Variants in CLSTN2 observed in about 807,000 individuals in gnomAD.
CLSTN2 encodes calsyntenin 2.
CLSTN2 carries 48 observed loss-of-function variants against 101.2 expected under a neutral mutation model. The observed-to-expected ratio is 0.47, with a 90% CI of 0.38 to 0.60. The LOEUF (loss-of-function observed/expected upper bound fraction) is 0.60. CLSTN2 is among the 20% of genes least tolerant of loss of function. The pLI is 0.00. For synonymous variants in CLSTN2, 481 were observed against 463.6 expected (o/e 1.04, Z -0.48); for missense variants, 1,160 against 1,238.2 (o/e 0.94, Z 0.95).
chr3:139,979,798 T>C (rs550059447), intron 1 of CLSTN2, among the ~76,000 whole-genome samples: 1 of 152,152 alleles, frequency 6.6e-6, no homozygotes, highest in African/African-American at 2.4e-5. Context: ...ATTATCATCA[T>C]CATTAGCCAG....
In CLSTN2 at chr3:140,562,843, C is replaced by T; in HGVS notation, c.2245C>T (p.Leu749=). 1 of 1,614,090 alleles carries T rather than the reference C, an allele frequency of 6.2e-7. No homozygotes were observed. The highest frequency in any genetic ancestry group is 8.5e-7 in the Non-Finnish European group (1 of 1,180,014). ...CTCCATGAGCCGCTATGAGCAGGTG[C>T]TACATCACATCCGCTACCGCAACTG... ...VGSMSRYEQV[L]HHIRYRNWRP... The change falls in exon 14 of 17, where the codon CTA becomes TTA. Residue 749 remains leucine (L), a synonymous_variant. Coordinates refer to ENST00000458420, the MANE Select transcript of CLSTN2 (RefSeq NM_022131.3).
intron 2 of CLSTN2, among the ~76,000 whole-genome samples, chr3:140,284,909 C>T (rs2086881968): frequency 6.6e-6 from 1 of 152,062 alleles, no homozygotes; most frequent in South Asian, 2.1e-4. Flanking sequence ...CTGAACTAGC[C>T]TGCCAACCCC....
chr3:140,036,562 C>T (rs113461434), intron 1 of CLSTN2, among the ~76,000 whole-genome samples: 1,633 of 152,240 alleles, frequency 0.011, 8 homozygotes, highest in Non-Finnish European at 0.017. Context: ...AAAATGTGCA[C>T]AACTCAGGAA....
At chr3:140,164,926 G>C (rs1030810637) in intron 1 of CLSTN2, among the ~76,000 whole-genome samples, 1 of 152,244 alleles carries the variant, frequency 6.6e-6, no homozygotes, top group Non-Finnish European at 1.5e-5. Context: ...TGGGTGGATA[G>C]GTAGATGGGT....
At chr3:140,046,436 C>A (rs1374233177) in intron 1 of CLSTN2, among the ~76,000 whole-genome samples, 2 of 152,188 alleles carry the variant, frequency 1.3e-5, no homozygotes, top group Non-Finnish European at 2.9e-5. Context: ...CTCCTGAATA[C>A]AGTACACTGA....
chr3:140,563,762 A>C (rs919885131), intron 15 of CLSTN2, among the ~76,000 whole-genome samples, 199 bp from the exon 16 acceptor site: 3 of 152,178 alleles, frequency 2.0e-5, no homozygotes, highest in Non-Finnish European at 4.4e-5. Flanking sequence ...ACTATTACTC[A>C]TAGGATAGGA....
At chr3:140,335,505 G>A (rs917289762) in intron 2 of CLSTN2, among the ~76,000 whole-genome samples, 1 of 150,402 alleles carries the variant, frequency 6.6e-6, no homozygotes, top group African/African-American at 2.4e-5. Flanking sequence ...TATCTGACCT[G>A]AGTCAAAAGG....
At chr3:140,523,557 A>T (rs1935078737) in intron 8 of CLSTN2, among the ~76,000 whole-genome samples, 1 of 152,236 alleles carries the variant, frequency 6.6e-6, no homozygotes, top group Non-Finnish European at 1.5e-5. Flanking sequence ...AGTCAGGCTG[A>T]AAATATGTGC....
At chr3:140,015,664 C>T (rs1397909022) in intron 1 of CLSTN2, among the ~76,000 whole-genome samples, 1 of 152,224 alleles carries the variant, frequency 6.6e-6, no homozygotes, top group Non-Finnish European at 1.5e-5. Context: ...ATCAATAGTT[C>T]TGGACATGAT....
intron 1 of CLSTN2, among the ~76,000 whole-genome samples, chr3:140,144,601 G>C (rs373947546): frequency 7.9e-5 from 12 of 152,060 alleles, no homozygotes; most frequent in African/African-American, 2.9e-4. Context: ...GGGCATCAGA[G>C]CGAGACTTCA....
intron 8 of CLSTN2, among the ~76,000 whole-genome samples, chr3:140,510,433 T>C (rs2107767519): frequency 1.3e-5 from 2 of 152,314 alleles, no homozygotes; most frequent in South Asian, 4.1e-4. Flanking sequence ...ATAATAAAGG[T>C]GTGCTTACTC....
intron 2 of CLSTN2, among the ~76,000 whole-genome samples, chr3:140,377,022 C>CAGAGAGAGAG (rs1553738103): frequency 2.0e-4 from 30 of 148,720 alleles, no homozygotes; most frequent in African/African-American, 7.5e-4. Context: ...CACACATACA[C>CAGAGAGAGAG]AGAGAGAGAG....
chr3:140,143,667 G>A (rs1560108033), intron 1 of CLSTN2, among the ~76,000 whole-genome samples: 1 of 152,174 alleles, frequency 6.6e-6, no homozygotes, highest in Non-Finnish European at 1.5e-5. Flanking sequence ...TTGGCTGGGT[G>A]TGCCCAGTCC....
chr3:140,466,852 A>G (rs1933717414), intron 8 of CLSTN2, 121 bp downstream of exon 8: 8 of 1,345,192 alleles, frequency 5.9e-6, no homozygotes, highest in Non-Finnish European at 8.1e-6. Context: ...AATTTTGGAA[A>G]AATCAGCTTA....
chr3:140,001,517 G>A lies in CLSTN2; in HGVS notation c.109+66034G>A, dbSNP rs140557873. 1.8e-3 allele frequency among the ~76,000 whole-genome samples: 266 copies of A among 151,774 alleles called. 5 individuals carry two copies. The East Asian group carries it at 0.043, about 25-fold the overall frequency. On this transcript the variant is annotated intron_variant, in intron 1 of 16. Coordinates refer to ENST00000458420, the MANE Select transcript of CLSTN2 (RefSeq NM_022131.3). Reference sequence around the variant, plus strand: ...GTACATAGTAGGTGTATGTATTTATGGGGTTCATGAGATGTTTTGATACAG... The same window carrying A: ...GTACATAGTAGGTGTATGTATTTATAGGGTTCATGAGATGTTTTGATACAG...
At chr3:140,343,492 A>C (rs1386878969) in intron 2 of CLSTN2, among the ~76,000 whole-genome samples, 2 of 152,222 alleles carry the variant, frequency 1.3e-5, no homozygotes, top group Non-Finnish European at 2.9e-5. Context: ...GTACTTTTAA[A>C]AGACCATCTT....
At chr3:140,497,898 A>T (rs557179380) in intron 8 of CLSTN2, among the ~76,000 whole-genome samples, 3 of 152,274 alleles carry the variant, frequency 2.0e-5, no homozygotes, top group African/African-American at 7.2e-5. Context: ...GAGGGGTCAT[A>T]CAATCACTCA....
chr3:140,365,909 C>T (rs2087783010), intron 2 of CLSTN2, among the ~76,000 whole-genome samples: 1 of 152,210 alleles, frequency 6.6e-6, no homozygotes, highest in Non-Finnish European at 1.5e-5. Context: ...TAGAGGGCCT[C>T]CCAAGGAGCT....
chr3:140,211,153 C>G (rs2010850359), intron 2 of CLSTN2, among the ~76,000 whole-genome samples: 1 of 151,848 alleles, frequency 6.6e-6, no homozygotes, highest in Admixed American at 6.6e-5. Flanking sequence ...AGAGTGGAGA[C>G]CTGTGCTCCC....
Sources: gnomAD v4.1 joint callset for allele counts (sites outside exome capture counted in the v4.1 genomes callset) on GRCh38, gnomAD v4.1.1 for gene constraint, MANE v1.5 for transcripts, NCBI Gene and HGNC (gene_info 2026-07-23, HGNC 2026-07-21) for gene names.